Variants in PGCKA1 observed in about 807,000 individuals in gnomAD.
The protein encoded by PGCKA1 is PDCD10 and GCKIII kinases associated 1, also known as PDCD10 and GCKIII kinases-associated protein 1.
chr4:37,491,109 C>A, the PGCKA1 span, among the ~76,000 whole-genome samples: 1 of 152,266 alleles, frequency 6.6e-6, no homozygotes, highest in East Asian at 1.9e-4. Context: ...AAAGAGCAGT[C>A]CTCAGCCAGC....
chr4:37,590,359 G>A, the PGCKA1 span: 19 of 1,613,540 alleles, frequency 1.2e-5, no homozygotes, highest in Admixed American at 5.0e-5. Flanking sequence ...CAACGGCATC[G>A]GCCCTGCTGC....
the PGCKA1 span, among the ~76,000 whole-genome samples, chr4:37,466,330 T>C: frequency 6.6e-6 from 1 of 152,220 alleles, no homozygotes; most frequent in Non-Finnish European, 1.5e-5. Context: ...TATATTCCTG[T>C]TGGGGCAACT....
the PGCKA1 span, among the ~76,000 whole-genome samples, chr4:37,538,454 C>G: frequency 6.6e-6 from 1 of 152,172 alleles, no homozygotes; most frequent in Non-Finnish European, 1.5e-5. Context: ...CATTCTTGGG[C>G]CCCTGATGCT....
the PGCKA1 span, among the ~76,000 whole-genome samples, chr4:37,540,121 TAACAC>T: frequency 6.6e-6 from 1 of 152,234 alleles, no homozygotes; most frequent in Non-Finnish European, 1.5e-5. Flanking sequence ...TTTGCATACA[TAACAC>T]ACGGTTCAGC....
the PGCKA1 span, among the ~76,000 whole-genome samples, chr4:37,579,014 C>CAT: frequency 2.0e-5 from 3 of 151,894 alleles, no homozygotes; most frequent in African/African-American, 7.3e-5. Flanking sequence ...GCCGAGATTG[C>CAT]GCCATTGCAC....
chr4:37,582,441 A>G, the PGCKA1 span, among the ~76,000 whole-genome samples: 1 of 152,238 alleles, frequency 6.6e-6, no homozygotes, highest in Non-Finnish European at 1.5e-5. Flanking sequence ...TACCTAATCT[A>G]CAGACCTTAT....
At chr4:37,540,354 G>A in the PGCKA1 span, among the ~76,000 whole-genome samples, 1 of 152,150 alleles carries the variant, frequency 6.6e-6, no homozygotes, top group African/African-American at 2.4e-5. Context: ...GAAAGTTTTT[G>A]TACTTTAAAA....
the PGCKA1 span, among the ~76,000 whole-genome samples, chr4:37,478,060 A>C: frequency 1.3e-5 from 2 of 151,976 alleles, no homozygotes; most frequent in Admixed American, 1.3e-4. Context: ...TGAAGAGCTC[A>C]TCTTTCCAAA....
the PGCKA1 span, among the ~76,000 whole-genome samples, chr4:37,579,704 T>G: frequency 6.6e-6 from 1 of 152,224 alleles, no homozygotes; most frequent in African/African-American, 2.4e-5. Context: ...CAGGATCCTT[T>G]CTTTATCCTT....
At chr4:37,591,022 G>A in the PGCKA1 span, 19 of 1,573,728 alleles carry the variant, frequency 1.2e-5, no homozygotes, top group African/African-American at 2.2e-4. Context: ...TGCACAGGGA[G>A]GTAAGCTGGT....
chr4:37,522,505 C>G, the PGCKA1 span, among the ~76,000 whole-genome samples: 2 of 152,116 alleles, frequency 1.3e-5, no homozygotes, highest in Non-Finnish European at 2.9e-5. Flanking sequence ...CGCACAGGAT[C>G]AGAAATGCCA....
the PGCKA1 span, among the ~76,000 whole-genome samples, chr4:37,522,801 G>A: frequency 6.6e-6 from 1 of 151,990 alleles, no homozygotes; most frequent in African/African-American, 2.4e-5. Flanking sequence ...TGGAACAGGG[G>A]CCTCAGGACT....
the PGCKA1 span, chr4:37,589,938 A>C: frequency 2.7e-6 from 2 of 735,754 alleles, no homozygotes; most frequent in Non-Finnish European, 4.6e-6. Flanking sequence ...TTTTATACCA[A>C]CTATATCTAT....
chr4:37,481,487 AAAAAAAAAAAAAAG>A, the PGCKA1 span, among the ~76,000 whole-genome samples: 1 of 75,628 alleles, frequency 1.3e-5, no homozygotes, highest in East Asian at 2.4e-4. Flanking sequence ...AAAAAAAAAA[AAAAAAAAAAAAAAG>A]AAGTCCAAGA....
chr4:37,590,372 C>T, the PGCKA1 span: 1 of 1,613,928 alleles, frequency 6.2e-7, no homozygotes, highest in South Asian at 1.1e-5. Context: ...CCTGCTGCCA[C>T]TCCACAGCCC....
chr4:37,555,175 G>A, the PGCKA1 span, among the ~76,000 whole-genome samples: 8,538 of 152,182 alleles, frequency 0.056, 271 homozygotes, highest in Middle Eastern at 0.089. Context: ...GTTTTGATCT[G>A]TCTACCAACC....
chr4:37,587,109 A>AG, the PGCKA1 span, among the ~76,000 whole-genome samples: 1 of 151,524 alleles, frequency 6.6e-6, no homozygotes, highest in Admixed American at 6.6e-5. Flanking sequence ...GGCTGCCAGT[A>AG]CTCTTGGTTT....
the PGCKA1 span, among the ~76,000 whole-genome samples, chr4:37,453,272 G>A: frequency 3.3e-3 from 501 of 152,268 alleles, 10 homozygotes; most frequent in East Asian, 0.045. Context: ...GCAGTCTTGT[G>A]GCCAATGCCC....
chr4:37,498,329 A>G, the PGCKA1 span, among the ~76,000 whole-genome samples: 31 of 152,220 alleles, frequency 2.0e-4, no homozygotes, highest in African/African-American at 7.0e-4. Context: ...GTTTCAAATC[A>G]AGTAGTGTGA....
Sources: allele counts gnomAD v4.1 joint callset (sites outside exome capture counted in the v4.1 genomes callset), GRCh38; gene constraint gnomAD v4.1.1; transcripts MANE v1.5; gene names NCBI Gene and HGNC (gene_info 2026-07-23, HGNC 2026-07-21).